Variants in RGL1 observed in about 807,000 individuals in gnomAD.
RGL1 encodes ral guanine nucleotide dissociation stimulator like 1.
In RGL1, 24 loss-of-function variants were observed where a neutral mutation model predicts 95.2. That is an observed-to-expected ratio of 0.25 (90% CI 0.18 to 0.35). The LOEUF (loss-of-function observed/expected upper bound fraction) is 0.35. RGL1 is among the 10% of genes least tolerant of loss of function. The probability of loss-of-function intolerance (pLI) is 1.00; values close to 1 mark genes in which losing one functional copy is unlikely to be tolerated. For missense variants in RGL1, 715 were observed against 936.3 expected (o/e 0.76, Z 3.08); for synonymous variants, 329 against 344.9 (o/e 0.95, Z 0.51).
chr1:183,831,363 G>A (rs574221734), intron 2 of RGL1, among the ~76,000 whole-genome samples: 2 of 152,296 alleles, frequency 1.3e-5, no homozygotes, highest in East Asian at 3.9e-4. Flanking sequence ...GGGGCCTAGA[G>A]AGGGAAGGAG....
chr1:183,797,022 C>G (rs1370511316), intron 2 of RGL1, among the ~76,000 whole-genome samples: 4 of 152,168 alleles, frequency 2.6e-5, no homozygotes, highest in Non-Finnish European at 5.9e-5. Context: ...AGCATCATCA[C>G]TGATTAAGAA....
chr1:183,831,773 G>A (rs1386495924), intron 2 of RGL1, among the ~76,000 whole-genome samples: 3 of 152,152 alleles, frequency 2.0e-5, no homozygotes, highest in African/African-American at 7.2e-5. Flanking sequence ...TGATTTGGTT[G>A]AAGGCCAATT....
At chr1:183,648,600 G>T (rs759685764) in intron 1 of RGL1, 1 of 1,614,064 alleles carries the variant, frequency 6.2e-7, no homozygotes, top group African/African-American at 1.3e-5. Context: ...TTTTGTTTGA[G>T]GAAATGTTGT....
intron 2 of RGL1, among the ~76,000 whole-genome samples, chr1:183,783,429 C>T (rs372247284): frequency 6.6e-6 from 1 of 152,292 alleles, no homozygotes; most frequent in Middle Eastern, 3.4e-3. Flanking sequence ...TACCTAAGGA[C>T]TCACAGAGAT....
At chr1:183,805,774 C>T (rs1007316714) in intron 1 of RGL1, among the ~76,000 whole-genome samples, 17 of 152,104 alleles carry the variant, frequency 1.1e-4, no homozygotes, top group African/African-American at 3.9e-4. Context: ...CTTTCCACCC[C>T]CGCTAACTTT....
chr1:183,698,793 A>G (rs1364608850), intron 1 of RGL1, among the ~76,000 whole-genome samples: 1 of 152,166 alleles, frequency 6.6e-6, no homozygotes, highest in African/African-American at 2.4e-5. Context: ...TGCTTTTCTT[A>G]TAAGTCATTT....
intron 1 of RGL1, among the ~76,000 whole-genome samples, chr1:183,723,651 A>T (rs1656146462): frequency 6.6e-6 from 1 of 152,198 alleles, no homozygotes; most frequent in Admixed American, 6.5e-5. Context: ...CCATCCTAGC[A>T]GTGGGAACTT....
At chr1:183,818,508 C>G (rs1662235525) in intron 2 of RGL1, among the ~76,000 whole-genome samples, 1 of 152,174 alleles carries the variant, frequency 6.6e-6, no homozygotes, top group East Asian at 1.9e-4. Context: ...TTTTCCCAAC[C>G]TCTCTTCTGG....
intron 9 of RGL1, among the ~76,000 whole-genome samples, chr1:183,892,659 T>A (rs2102674606): frequency 6.6e-6 from 1 of 152,350 alleles, no homozygotes; most frequent in South Asian, 2.1e-4. Flanking sequence ...GCTTAGTTCA[T>A]TTTATGTCTC....
chr1:183,756,072 A>G (rs1658316625), intron 2 of RGL1, among the ~76,000 whole-genome samples: 1 of 151,816 alleles, frequency 6.6e-6, no homozygotes, highest in Non-Finnish European at 1.5e-5. Flanking sequence ...TTTAGTAAAG[A>G]CGGGGTTTCA....
intron 2 of RGL1, among the ~76,000 whole-genome samples, chr1:183,798,236 G>A (rs560875863): frequency 6.6e-6 from 1 of 152,096 alleles, no homozygotes; most frequent in Admixed American, 6.5e-5. Context: ...CTTTTGACTG[G>A]GCATAGGACA....
intron 2 of RGL1, among the ~76,000 whole-genome samples, chr1:183,750,966 A>G (rs1210397156): frequency 1.3e-5 from 2 of 152,204 alleles, no homozygotes; most frequent in Non-Finnish European, 2.9e-5. Flanking sequence ...GCCAGGTGCC[A>G]GCCAGAGCTC....
chr1:183,640,114 G>A (rs1572207959), intron 1 of RGL1, among the ~76,000 whole-genome samples: 1 of 152,158 alleles, frequency 6.6e-6, no homozygotes, highest in Non-Finnish European at 1.5e-5. Context: ...TGGGATTACA[G>A]GTGTGAGCCA....
chr1:183,840,763 G>A (rs998825013), intron 2 of RGL1, among the ~76,000 whole-genome samples: 3 of 151,914 alleles, frequency 2.0e-5, no homozygotes, highest in African/African-American at 7.3e-5. Flanking sequence ...GGGGTGGTGC[G>A]TGCCTGTAGT....
intron 1 of RGL1, among the ~76,000 whole-genome samples, chr1:183,738,968 G>T (rs1309239867): frequency 1.3e-5 from 2 of 152,162 alleles, no homozygotes; most frequent in South Asian, 2.1e-4. Flanking sequence ...GAAAAGGACA[G>T]GTTGGTAGCA....
intron 2 of RGL1, among the ~76,000 whole-genome samples, chr1:183,787,023 C>T (rs142559840): frequency 4.6e-4 from 70 of 152,294 alleles, no homozygotes; most frequent in African/African-American, 1.7e-3. Context: ...GGGACCTGCT[C>T]AAATAATGTA....
chr1:183,825,208 TATC>T (rs1381386801), intron 2 of RGL1, among the ~76,000 whole-genome samples: 1 of 152,222 alleles, frequency 6.6e-6, no homozygotes, highest in African/African-American at 2.4e-5. Flanking sequence ...ATTTTAGACA[TATC>T]ATGCTGGAAG....
chr1:183,743,000 C>A (rs1020152913), intron 2 of RGL1, among the ~76,000 whole-genome samples: 20 of 151,978 alleles, frequency 1.3e-4, no homozygotes, highest in Non-Finnish European at 2.4e-4. Flanking sequence ...AAAATTAAAG[C>A]TAGAGGTTTT....
At chr1:183,823,529 A>G (rs566772984) in intron 2 of RGL1, among the ~76,000 whole-genome samples, 2 of 152,316 alleles carry the variant, frequency 1.3e-5, no homozygotes, top group East Asian at 1.9e-4. Flanking sequence ...GCTCTGTGAT[A>G]TATTGCTGGA....
Sources: gnomAD v4.1 joint callset for allele counts (sites outside exome capture counted in the v4.1 genomes callset) on GRCh38, gnomAD v4.1.1 for gene constraint, MANE v1.5 for transcripts, NCBI Gene and HGNC (gene_info 2026-07-23, HGNC 2026-07-21) for gene names.